WNT7A: variants seen among roughly 807,000 people sequenced by gnomAD.
WNT7A encodes the protein Wnt family member 7A.
WNT7A carries 16 observed loss-of-function variants against 28.2 expected under a neutral mutation model. The observed-to-expected ratio is 0.57, with a 90% CI of 0.38 to 0.86. The LOEUF is 0.86. Among genes scored for constraint, WNT7A ranks in the 40% least tolerant of loss-of-function variants. WNT7A has a pLI of 0.00. For synonymous variants in WNT7A, 190 were observed against 195.9 expected, an observed-to-expected ratio of 0.97 and a Z score of 0.25; for missense variants, 411 against 489.7, an observed-to-expected ratio of 0.84 and a Z score of 1.52.
chr3:13,846,688 G>A (rs79018561), intron 3 of WNT7A, among the ~76,000 whole-genome samples: 2,246 of 152,234 alleles, frequency 0.015, 59 homozygotes, highest in African/African-American at 0.05. Flanking sequence ...TCTCACTTGA[G>A]CTGCCTTTTC....
intron 3 of WNT7A, 146 bp downstream of exon 3, chr3:13,854,386 T>G: frequency 7.4e-7 from 1 of 1,357,620 alleles, no homozygotes. Context: ...CCTGACCAGC[T>G]ACAAGCTGAT....
Position 13,816,819 on chromosome 3 carries a change from A to G in WNT7A, c.*2125T>C, listed in dbSNP as rs965708262. On this transcript the variant is annotated 3_prime_UTR_variant, in exon 4 of 4. Coordinates refer to ENST00000285018, the MANE Select transcript of WNT7A (RefSeq NM_004625.4). ...CATCCATTTATCCATTCACCCACCCACCTACTTATCCATCCACACATCTAC... is the reference window on the plus strand; with the variant it reads ...CATCCATTTATCCATTCACCCACCCGCCTACTTATCCATCCACACATCTAC... The G allele has an allele frequency of 3.3e-5, 5 of 151,730 alleles. No homozygotes were observed. The highest frequency in any genetic ancestry group is 1.2e-4 in the African/African-American group (5 of 41,162). The allele number at this position is 151,730 out of a possible 1,614,324, so 9.4% of individuals were successfully genotyped here. A position where few individuals can be genotyped will look rare whatever the true frequency, so the allele number is the denominator to read the frequency against.
At chr3:13,842,503 G>T (rs1694477308) in intron 3 of WNT7A, among the ~76,000 whole-genome samples, 2 of 152,220 alleles carry the variant, frequency 1.3e-5, no homozygotes, top group African/African-American at 4.8e-5. Context: ...GGGGACTGTT[G>T]TGTCACTGTA....
chr3:13,872,868 T>C (rs1695046553), intron 2 of WNT7A, among the ~76,000 whole-genome samples: 1 of 152,176 alleles, frequency 6.6e-6, no homozygotes, highest in South Asian at 2.1e-4. Flanking sequence ...ATGAACCCAG[T>C]CCTGAGAGGC....
At chr3:13,849,316 C>A (rs1019150334) in intron 3 of WNT7A, among the ~76,000 whole-genome samples, 1 of 152,166 alleles carries the variant, frequency 6.6e-6, no homozygotes, top group African/African-American at 2.4e-5. Flanking sequence ...AAACCACAAA[C>A]TTGGTTAAAT....
chr3:13,853,049 T>C (rs977580171), intron 3 of WNT7A, among the ~76,000 whole-genome samples: 23 of 152,136 alleles, frequency 1.5e-4, no homozygotes, highest in Admixed American at 4.6e-4. Flanking sequence ...ACCCAGCTCC[T>C]GACCCCACTC....
chr3:13,855,427 T>G (rs1694713944), intron 2 of WNT7A, among the ~76,000 whole-genome samples: 3 of 152,244 alleles, frequency 2.0e-5, no homozygotes, highest in Admixed American at 1.3e-4. Context: ...GGAACCTGAC[T>G]GCACCCTACC....
At chr3:13,860,346 G>A (rs936617716) in intron 2 of WNT7A, among the ~76,000 whole-genome samples, 1 of 152,172 alleles carries the variant, frequency 6.6e-6, no homozygotes. Context: ...CCAGTGCATG[G>A]AAACCCCATG....
rs114392050 is a variant in WNT7A at position 13,828,764 on chromosome 3, A to G, written c.571-9341T>C. On this transcript the variant is annotated intron_variant, in intron 3 of 3. Coordinates refer to ENST00000285018, the MANE Select transcript of WNT7A (RefSeq NM_004625.4). Reference sequence around the variant, plus strand: ...CCTGGCTCCTCTGCAGGGAGTGGTCAGTTCTGGACTACTTGTACCTCAGGT... The same window carrying G: ...CCTGGCTCCTCTGCAGGGAGTGGTCGGTTCTGGACTACTTGTACCTCAGGT... 5.3e-3 allele frequency among the ~76,000 whole-genome samples: 810 copies of G among 152,294 alleles called. 8 individuals are homozygous for G. Among genetic ancestry groups the G allele is most frequent in the Middle Eastern group, 0.044 (13 of 294 alleles).
At chr3:13,859,461 CATTATA>C (rs1222414476) in intron 2 of WNT7A, among the ~76,000 whole-genome samples, 1 of 152,176 alleles carries the variant, frequency 6.6e-6, no homozygotes, top group Admixed American at 6.5e-5. Flanking sequence ...TAGTAGTGAG[CATTATA>C]ATTATAATAA....
intron 2 of WNT7A, among the ~76,000 whole-genome samples, chr3:13,865,428 C>T (rs112911837): frequency 0.11 from 16,530 of 152,202 alleles, 1,173 homozygotes; most frequent in Middle Eastern, 0.19. Context: ...CATTTTTTAT[C>T]CCATTTTGAG....
At chr3:13,820,836 A>G (rs1694095902) in intron 3 of WNT7A, among the ~76,000 whole-genome samples, 2 of 152,202 alleles carry the variant, frequency 1.3e-5, no homozygotes, top group African/African-American at 2.4e-5. Flanking sequence ...CAACCTCAGT[A>G]TCTGCAATCA....
chr3:13,847,222 C>T (rs1051415359), intron 3 of WNT7A, among the ~76,000 whole-genome samples: 1 of 152,208 alleles, frequency 6.6e-6, no homozygotes, highest in Non-Finnish European at 1.5e-5. Context: ...CTGGTCTAGT[C>T]TGGGCTCCTT....
chr3:13,875,259 C>A, intron 1 of WNT7A, 86 bp from the exon 2 acceptor site: 1 of 1,396,620 alleles, frequency 7.2e-7, no homozygotes, highest in Non-Finnish European at 1.0e-6. Context: ...CAGCACTGGC[C>A]ACCCCACTGC....
At position 13,818,934 on chromosome 3, in the gene WNT7A, C is replaced by T. The variant is rs1559292899; in HGVS notation, c.*10G>A. 1.3e-6 allele frequency: 2 copies of T among 1,558,850 alleles called. No individual in the cohort carries two copies. The highest frequency in any genetic ancestry group is 1.7e-6 in the Non-Finnish European group (2 of 1,146,476). ...TGACTTGCAGCGGGAGGGTGGTGTG[C>T]ACACGGGGCTCACTTGCACGTGTAC... On this transcript the variant is annotated 3_prime_UTR_variant, in exon 4 of 4. Coordinates refer to ENST00000285018, the MANE Select transcript of WNT7A (RefSeq NM_004625.4).
chr3:13,862,427 T>C (rs1694845333), intron 2 of WNT7A, among the ~76,000 whole-genome samples: 1 of 152,268 alleles, frequency 6.6e-6, no homozygotes, highest in Admixed American at 6.5e-5. Context: ...ACAAAGTGCA[T>C]TGTATTTTTT....
chr3:13,817,261 G>A lies in WNT7A; in HGVS notation c.*1683C>T, dbSNP rs1309897840. ...GACTCTGGGGAGCAGCAGATGCAAAGGCATGCAGCTCCATGCCTGAGACCT... is the reference window on the plus strand; with the variant it reads ...GACTCTGGGGAGCAGCAGATGCAAAAGCATGCAGCTCCATGCCTGAGACCT... On this transcript the variant is annotated 3_prime_UTR_variant, in exon 4 of 4. Transcript: ENST00000285018. 6.6e-6 allele frequency: 1 copy of A among 152,272 alleles called. No individual in the cohort carries two copies. The highest frequency in any genetic ancestry group is 1.5e-5 in the Non-Finnish European group (1 of 68,102). 9.4% of individuals were successfully genotyped at this position (152,272 alleles called of 1,614,324 possible).
chr3:13,840,361 G>T (rs1694436842), intron 3 of WNT7A, among the ~76,000 whole-genome samples: 1 of 152,192 alleles, frequency 6.6e-6, no homozygotes, highest in African/African-American at 2.4e-5. Flanking sequence ...CCCCCGGAAT[G>T]TCAGCTCCAT....
intron 2 of WNT7A, among the ~76,000 whole-genome samples, chr3:13,874,394 C>T (rs1205123281): frequency 6.6e-6 from 1 of 152,174 alleles, no homozygotes; most frequent in Non-Finnish European, 1.5e-5. Flanking sequence ...ACACGCCATT[C>T]CCATAAAACA....
Sources: allele counts gnomAD v4.1 joint callset (sites outside exome capture counted in the v4.1 genomes callset), GRCh38; gene constraint gnomAD v4.1.1; transcripts MANE v1.5; gene names NCBI Gene and HGNC (gene_info 2026-07-23, HGNC 2026-07-21).